The following SLC22A17 variants were observed in gnomAD, a reference collection of about 807,000 sequenced individuals.
SLC22A17 encodes 24p3 receptor.
SLC22A17 carries 38 observed loss-of-function variants against 53.6 expected under a neutral mutation model. The observed-to-expected ratio is 0.71, with a 90% CI of 0.55 to 0.93. SLC22A17 has a LOEUF of 0.93. Among genes scored for constraint, SLC22A17 ranks in the 40% least tolerant of loss-of-function variants. The pLI is 0.00. For synonymous variants in SLC22A17, 379 were observed against 353.0 expected (o/e 1.07, Z -0.82); for missense variants, 704 against 791.0 (o/e 0.89, Z 1.32).
In SLC22A17 at chr14:23,347,401, T is replaced by C. The variant is rs1157188290; in HGVS notation, c.1549+59A>G. On this transcript the variant is annotated intron_variant, in intron 8 of 9. Coordinates refer to ENST00000397267, the Ensembl canonical transcript of SLC22A17. This position sits in a 1 kb window ranked among gnomAD's most constrained non-coding sequence, Gnocchi z 5.1. ...AGGCTCGTGGAAGAGCTGGGCAGGG[T>C]CTGGGGCTTGTCTTGGGAGGCCTGT... 6.3e-7 allele frequency: 1 copy of C among 1,579,822 alleles called. No individual in the cohort carries two copies.
intron 2 of SLC22A17, 24 bp downstream of exon 2, chr14:23,351,924 C>T (rs1036146411): frequency 5.6e-6 from 9 of 1,611,674 alleles, no homozygotes; most frequent in Non-Finnish European, 7.6e-6. Flanking sequence ...GCCCCCAGAC[C>T]CGCGGCCCGC....
At chr14:23,351,557 C>A (rs945694113) in intron 3 of SLC22A17, 195 bp downstream of exon 3, 1 of 575,256 alleles carries the variant, frequency 1.7e-6, no homozygotes, top group East Asian at 3.1e-5. Flanking sequence ...CATTCCCTTG[C>A]GCGGAAGAGG....
Position 23,348,105 on chromosome 14 carries a change from A to C in SLC22A17, c.1171+56T>G, listed in dbSNP as rs571945116. ...AGGTGGCACAGCTACAGCCATGCAG[A>C]GGGCACCATCATGTGTGCAAGTGAG... On this transcript the variant is annotated intron_variant, in intron 6 of 9. Transcript: ENST00000397267. This position sits in a 1 kb window ranked among gnomAD's most constrained non-coding sequence, Gnocchi z 4.5. The C allele has an allele frequency of 3.7e-5, 59 of 1,610,104 alleles. No homozygotes were observed. In the East Asian group the frequency reaches 1.3e-3, roughly 36 times the overall value.
chr14:23,350,891 C>A (rs184296304), intron 3 of SLC22A17: 1 of 152,188 alleles, frequency 6.6e-6, no homozygotes. Flanking sequence ...TTTTAAGGAA[C>A]TGGACTATTG....
chr14:23,347,960 G>C lies in SLC22A17; in HGVS notation c.1208C>G (p.Ser403Cys). Reference sequence around the variant, plus strand: ...GTTGAGGAGGGAAGCAAAGGAAAAGGAGGATGTTGCAGGGAGAGGGCAGGT... The same window carrying C: ...GTTGAGGAGGGAAGCAAAGGAAAAGCAGGATGTTGCAGGGAGAGGGCAGGT... Residue 403 changes from serine (S) to cysteine (C), a missense_variant, in exon 7 of 10, where the codon TCC becomes TGC. Ser to Cys is a moderately radical substitution (Grantham distance 112, BLOSUM62 -1). This residue lies in a region of SLC22A17 where 435 missense variants were observed against 529.0 expected (regional missense o/e 0.82). Coordinates refer to ENST00000397267, the Ensembl canonical transcript of SLC22A17. This position sits in a 1 kb window ranked among gnomAD's most constrained non-coding sequence, Gnocchi z 5.1. 2 of 1,614,202 alleles carry C rather than the reference G, an allele frequency of 1.2e-6. No individual in the cohort carries two copies. Among genetic ancestry groups the C allele is most frequent in the Non-Finnish European group, 1.7e-6 (2 of 1,180,026 alleles).
rs1889707852 is a variant in SLC22A17 at position 23,352,528 on chromosome 14, G to T, written c.97-77C>A. Reference sequence around the variant, plus strand: ...GAGCAAGGGCAGGGGGCAGGTGGGAGGGAGGGCTAGGAAGGCAGTCAGGGG... The same window carrying T: ...GAGCAAGGGCAGGGGGCAGGTGGGATGGAGGGCTAGGAAGGCAGTCAGGGG... On this transcript the variant is annotated intron_variant, in intron 1 of 9. Transcript: ENST00000397267. This position sits in a 1 kb window ranked among gnomAD's most constrained non-coding sequence, Gnocchi z 7.2. 5 of 427,886 alleles carry T rather than the reference G, an allele frequency of 1.2e-5. No homozygotes were observed. In the Admixed American group the frequency reaches 1.7e-4, roughly 14 times the overall value. The allele number at this position is 427,886 out of a possible 1,614,324, so 26.5% of individuals were successfully genotyped here. A position where few individuals can be genotyped will look rare whatever the true frequency, so the allele number is the denominator to read the frequency against.
intron 3 of SLC22A17, 50 bp from the exon 4 acceptor site, chr14:23,349,476 A>C (rs1394521436): frequency 1.3e-6 from 2 of 1,575,192 alleles, no homozygotes; most frequent in Non-Finnish European, 1.7e-6. Context: ...GGTGGTGGGA[A>C]AGTTGCTGGG....
rs542549985 is a variant in SLC22A17 at position 23,352,601 on chromosome 14, G to A, written c.96+45C>T. On this transcript the variant is annotated intron_variant, in intron 1 of 9. Coordinates refer to ENST00000397267, the Ensembl canonical transcript of SLC22A17. This position sits in a 1 kb window ranked among gnomAD's most constrained non-coding sequence, Gnocchi z 7.2. ...TGCCAGACGCTCCGCGGGGGCGGGG[G>A]TGCTGGGAGAGGATGGCGTCGCCAC... 1.2e-5 allele frequency: 5 copies of A among 416,036 alleles called. No homozygotes were observed. Among genetic ancestry groups the A allele is most frequent in the Non-Finnish European group, 1.7e-5 (4 of 238,316 alleles). The allele number at this position is 416,036 out of a possible 1,614,324, so 25.8% of individuals were successfully genotyped here.
Position 23,347,348 on chromosome 14 carries a change from G to T in SLC22A17, c.1549+112C>A. ...CTGGGCATTCAGTAATTGACTGGGA[G>T]AGCAGATGGGGCTGTGGGGCCAGGT... On this transcript the variant is annotated intron_variant, in intron 8 of 9. Coordinates refer to ENST00000397267, the Ensembl canonical transcript of SLC22A17. The surrounding 1 kb of genome is among the most constrained non-coding windows in gnomAD (Gnocchi z 5.1). 4.0e-6 allele frequency: 6 copies of T among 1,494,198 alleles called. No homozygotes were observed. The highest frequency in any genetic ancestry group is 5.4e-6 in the Non-Finnish European group (6 of 1,105,578). The allele number at this position is 1,494,198 out of a possible 1,614,324, so 92.6% of individuals were successfully genotyped here.
rs529277000 is a variant in SLC22A17 at position 23,346,340 on chromosome 14, T to G, written c.*308A>C. The stretch of plus-strand genomic sequence containing the variant: ...ATATGCTCGTTTATTCCAAATGTCT[T>G]TATTGAAACAGAATGATAGAGCAAG... On this transcript the variant is annotated 3_prime_UTR_variant, in exon 10 of 10. Transcript: ENST00000397267. 3 of 356,192 alleles carry G rather than the reference T, an allele frequency of 8.4e-6. No individual in the cohort carries two copies. The South Asian group carries it at 4.3e-4, about 51-fold the overall frequency. 22.1% of individuals were successfully genotyped at this position (356,192 alleles called of 1,614,324 possible).
chr14:23,349,598 T>C (rs1889495673), intron 3 of SLC22A17, 172 bp from the exon 4 acceptor site: 2 of 724,764 alleles, frequency 2.8e-6, no homozygotes, highest in Admixed American at 2.9e-5. Context: ...GGGTGGGTGA[T>C]GCCTGGCTAC....
rs756957093 is a variant in SLC22A17, at chr14:23,352,246, C to G, written c.302G>C (p.Cys101Ser). The G allele has an allele frequency of 7.6e-6, 11 of 1,441,558 alleles. No individual in the cohort carries two copies. Among genetic ancestry groups the G allele is most frequent in the Non-Finnish European group, 1.0e-5 (11 of 1,100,728 alleles). The allele number at this position is 1,441,558 out of a possible 1,614,324, so 89.3% of individuals were successfully genotyped here. The change falls in exon 2 of 10, where the codon TGC (cysteine) becomes TCC (serine). Residue 101 changes from cysteine to serine, a missense_variant. This residue lies in a region of SLC22A17 where 31 missense variants were observed against 62.3 expected (regional missense o/e 0.50). Transcript: ENST00000397267. This position sits in a 1 kb window ranked among gnomAD's most constrained non-coding sequence, Gnocchi z 7.2. The stretch of plus-strand genomic sequence containing the variant: ...AGCCACGAAGAGCACCGGCAGGCAG[C>G]AGAGGCCGAGCTGCAGCTGCTGGCC...
Position 23,351,863 on chromosome 14 carries a change from T to C in SLC22A17, c.601-8A>G, listed in dbSNP as rs1889644251. The C allele has an allele frequency of 1.2e-6, 2 of 1,612,914 alleles. No individual in the cohort carries two copies. Among genetic ancestry groups the C allele is most frequent in the East Asian group, 2.2e-5 (1 of 44,844 alleles). ...GTCACACACCAGATCCCACTGGGGA[T>C]GTGAGAAGGGTGCAGCGGGCGTGAG... is the stretch of plus-strand genomic sequence containing the variant. On this transcript the variant is annotated splice_polypyrimidine_tract_variant and splice_region_variant and intron_variant, in intron 2 of 9. Coordinates refer to ENST00000397267, the Ensembl canonical transcript of SLC22A17.
In SLC22A17 at chr14:23,347,755, A is replaced by C; in HGVS notation, c.1278-24T>G. 3 of 1,611,920 alleles carry C rather than the reference A, an allele frequency of 1.9e-6. No individual in the cohort carries two copies. The highest frequency in any genetic ancestry group is 2.5e-6 in the Non-Finnish European group (3 of 1,178,628). The stretch of plus-strand genomic sequence containing the variant: ...AGCTGTGAGAAGGGGTGGGGAAGCA[A>C]CGAACAGAGCCTGAATCCCCTCCCG... On this transcript the variant is annotated intron_variant, in intron 7 of 9. Coordinates refer to ENST00000397267, the Ensembl canonical transcript of SLC22A17. The surrounding 1 kb of genome is among the most constrained non-coding windows in gnomAD (Gnocchi z 5.1).
At chr14:23,349,649 A>G in intron 3 of SLC22A17, 1 of 588,404 alleles carries the variant, frequency 1.7e-6, no homozygotes, top group East Asian at 2.8e-5. Flanking sequence ...AGAGGTGGGA[A>G]CATTGACTCT....
At position 23,348,371 on chromosome 14, in the gene SLC22A17, G is replaced by A; in HGVS notation, c.1026-65C>T. 6.3e-7 allele frequency: 1 copy of A among 1,598,402 alleles called. No homozygotes were observed. The highest frequency in any genetic ancestry group is 8.6e-7 in the Non-Finnish European group (1 of 1,169,588). On this transcript the variant is annotated intron_variant, in intron 5 of 9. Transcript: ENST00000397267. This position sits in a 1 kb window ranked among gnomAD's most constrained non-coding sequence, Gnocchi z 4.5. ...TTCTCCTGATCTAGGGGTGGGAAAT[G>A]TGCACCTCTGAGGGACTGGGGCTGG...
rs1209091437 is a variant in SLC22A17, at chr14:23,347,350, G to A, written c.1549+110C>T. ...GGGCATTCAGTAATTGACTGGGAGA[G>A]CAGATGGGGCTGTGGGGCCAGGTGG... On this transcript the variant is annotated intron_variant, in intron 8 of 9. Coordinates refer to ENST00000397267, the Ensembl canonical transcript of SLC22A17. The surrounding 1 kb of genome is among the most constrained non-coding windows in gnomAD (Gnocchi z 5.1). 4 of 1,494,276 alleles carry A rather than the reference G, an allele frequency of 2.7e-6. No individual in the cohort carries two copies. Among genetic ancestry groups the A allele is most frequent in the Non-Finnish European group, 3.6e-6 (4 of 1,105,468 alleles). 92.6% of individuals were successfully genotyped at this position (1,494,276 alleles called of 1,614,324 possible). A position where few individuals can be genotyped will look rare whatever the true frequency, so the allele number is the denominator to read the frequency against.
At chr14:23,346,853 C>A in exon 10 of SLC22A17, 3 of 1,539,320 alleles carry the variant, frequency 1.9e-6, no homozygotes, top group Non-Finnish European at 2.6e-6. Context: ...CAGGAAGGCT[C>A]CATGGCCCAT....
chr14:23,346,761 G>A (rs1244653692), exon 10 of SLC22A17: 1 of 1,544,086 alleles, frequency 6.5e-7, no homozygotes, highest in South Asian at 1.2e-5. Context: ...AGCACCTCGG[G>A]CAGGAGCTTG....
Sources: allele counts gnomAD v4.1 joint callset, GRCh38; gene constraint gnomAD v4.1.1; regional missense constraint gnomAD v4.1.1; non-coding constraint Gnocchi (gnomAD v3.1); transcripts MANE v1.5; gene names NCBI Gene and HGNC (gene_info 2026-07-23, HGNC 2026-07-21).